PBRM1: variants seen among roughly 807,000 people sequenced by gnomAD.
The protein encoded by PBRM1 is protein polybromo-1.
A neutral mutation model predicts 194.5 loss-of-function variants in PBRM1; 27 were observed. The ratio of observed to expected loss-of-function variants is 0.14; its 90% CI spans 0.10 to 0.19. The LOEUF (loss-of-function observed/expected upper bound fraction) is 0.19, where lower values mean the gene tolerates loss of function less well. PBRM1 is among the 10% of genes least tolerant of loss of function. The pLI is 1.00. For missense variants in PBRM1, 1,466 were observed against 2,077.2 expected (o/e 0.71, Z 5.72); for synonymous variants, 655 against 693.2 (o/e 0.94, Z 0.87).
intron 26 of PBRM1, 59 bp from the exon 29 acceptor site, chr3:52,554,938 A>G (rs2081912954): frequency 1.4e-6 from 2 of 1,443,054 alleles, no homozygotes; most frequent in African/African-American, 2.8e-5. Context: ...GAGCTAAGTA[A>G]TAACAACCAA....
chr3:52,658,804 T>C (rs1051640523), intron 4 of PBRM1, among the ~76,000 whole-genome samples: 2 of 152,218 alleles, frequency 1.3e-5, no homozygotes, highest in Non-Finnish European at 2.9e-5. Flanking sequence ...TATATGAACC[T>C]AATGAGGTGC....
chr3:52,634,827 A>G lies in PBRM1; in HGVS notation c.1088-12T>C, dbSNP rs769981852. 1 of 1,593,308 alleles carries G rather than the reference A, an allele frequency of 6.3e-7. No individual in the cohort carries two copies. Among genetic ancestry groups the G allele is most frequent in the South Asian group, 1.1e-5 (1 of 89,504 alleles). On this transcript the variant is annotated splice_polypyrimidine_tract_variant and intron_variant, in intron 10 of 29. Coordinates refer to ENST00000296302, the Ensembl canonical transcript of PBRM1. ...TTCATAGCGTGCAGCTGGAAAGACAAAAAAAGTATTTATAAAGGGACGAAT... is the reference window on the plus strand; with the variant it reads ...TTCATAGCGTGCAGCTGGAAAGACAGAAAAAGTATTTATAAAGGGACGAAT...
intron 10 of PBRM1, among the ~76,000 whole-genome samples, chr3:52,638,411 T>C (rs934455116): frequency 1.7e-4 from 26 of 151,210 alleles, no homozygotes; most frequent in Non-Finnish European, 5.9e-5. Context: ...AAGGCTGGGG[T>C]GCGATGGCGT....
rs2153424570 is a variant in PBRM1, at chr3:52,609,783, A to T, written c.2097T>A (p.Thr699=). 1 of 1,608,908 alleles carries T rather than the reference A, an allele frequency of 6.2e-7. No homozygotes were observed. Among genetic ancestry groups the T allele is most frequent in the Non-Finnish European group, 8.5e-7 (1 of 1,178,680 alleles). Residue 699 remains threonine, a synonymous_variant, in exon 16 of 30, where the codon ACT becomes ACA. Transcript: ENST00000296302. The surrounding 1 kb of genome is among the most constrained non-coding windows in gnomAD (Gnocchi z 4.1). ...TTTCCATGTCCATGGGCTTTTTAATAGTCAGATAGTAGTCAGGCAACTCAG... is the reference window on the plus strand; with the variant it reads ...TTTCCATGTCCATGGGCTTTTTAATTGTCAGATAGTAGTCAGGCAACTCAG...
exon 20 of PBRM1, chr3:52,586,540 G>A (rs2153770335): frequency 1.2e-6 from 2 of 1,614,070 alleles, no homozygotes; most frequent in East Asian, 2.2e-5. Context: ...CACAGGCAGA[G>A]GCACATCCCG....
chr3:52,622,329 C>G (rs1008989351), intron 13 of PBRM1, among the ~76,000 whole-genome samples: 1 of 148,580 alleles, frequency 6.7e-6, no homozygotes, highest in Admixed American at 7.0e-5. Flanking sequence ...CAGGGAGAGA[C>G]TCCATCTCAA....
Position 52,548,210 on chromosome 3 carries a change from C to T in PBRM1, c.4923G>A (p.Ser1641=), listed in dbSNP as rs138449080. 68 of 1,590,904 alleles carry T rather than the reference C, an allele frequency of 4.3e-5. No individual in the cohort carries two copies. In the African/African-American group the frequency reaches 7.6e-4, roughly 18 times the overall value. Residue 1641 remains serine, a synonymous_variant, in exon 30 of 30, where the codon TCG becomes TCA. Transcript: ENST00000296302. The stretch of plus-strand genomic sequence containing the variant: ...AGGGTAGGCGGCTCTCCTGTTCTTT[C>T]GACAAATGGACGTCGCGTCTTCGAG...
chr3:52,577,828 C>T (rs948513258), intron 21 of PBRM1, among the ~76,000 whole-genome samples: 2 of 152,204 alleles, frequency 1.3e-5, no homozygotes, highest in African/African-American at 4.8e-5. Flanking sequence ...CTATTCTCAA[C>T]AACCAATAGG....
At chr3:52,613,548 T>C (rs2153456512) in intron 15 of PBRM1, among the ~76,000 whole-genome samples, 1 of 152,216 alleles carries the variant, frequency 6.6e-6, no homozygotes, top group South Asian at 2.1e-4. Context: ...CTCCCTATGT[T>C]GCCCAGGCTG....
chr3:52,615,840 T>C (rs905661055), intron 14 of PBRM1, among the ~76,000 whole-genome samples: 1 of 152,222 alleles, frequency 6.6e-6, no homozygotes, highest in African/African-American at 2.4e-5. Flanking sequence ...ACTAAAAATA[T>C]CTGATAGTTG....
At chr3:52,548,389 C>G (rs533903873) in intron 29 of PBRM1, among the ~76,000 whole-genome samples, 154 bp from the exon 32 acceptor site, 3 of 151,546 alleles carry the variant, frequency 2.0e-5, no homozygotes, top group African/African-American at 7.3e-5. Flanking sequence ...AGGCACATTT[C>G]TTATATCATT....
intron 16 of PBRM1, among the ~76,000 whole-genome samples, chr3:52,606,857 T>A (rs2094373182): frequency 6.6e-6 from 1 of 152,260 alleles, no homozygotes; most frequent in Non-Finnish European, 1.5e-5. Flanking sequence ...CCAACTGGCA[T>A]GAGTCAGCAC....
chr3:52,633,174 T>A (rs946350146), intron 11 of PBRM1, among the ~76,000 whole-genome samples: 3 of 152,110 alleles, frequency 2.0e-5, no homozygotes, highest in Admixed American at 1.3e-4. Context: ...GCAACTACTA[T>A]TCTATTTTGT....
At chr3:52,561,721 A>G in intron 25 of PBRM1, 46 bp downstream of exon 27, 6 of 1,542,180 alleles carry the variant, frequency 3.9e-6, no homozygotes, top group Non-Finnish European at 5.4e-6. Flanking sequence ...GCATTCCTGA[A>G]ACACCCCCTT....
intron 21 of PBRM1, among the ~76,000 whole-genome samples, chr3:52,577,098 C>T (rs759532936): frequency 1.3e-5 from 2 of 152,136 alleles, no homozygotes; most frequent in Non-Finnish European, 2.9e-5. Context: ...GCAGACATTC[C>T]TTTAAGACAG....
intron 26 of PBRM1, 148 bp from the exon 29 acceptor site, chr3:52,555,027 C>G: frequency 1.6e-6 from 1 of 620,472 alleles, no homozygotes; most frequent in Non-Finnish European, 2.8e-6. Flanking sequence ...TATTTTGCTG[C>G]AATAATGAAC....
At chr3:52,681,218 G>A (rs951526186), upstream of PBRM1, 1 of 151,830 alleles carries the variant, frequency 6.6e-6, no homozygotes, top group Admixed American at 6.6e-5. Context: ...GGAAAGAAAG[G>A]TTGGGGATCT....
chr3:52,629,901 G>A (rs2153604471), intron 11 of PBRM1, among the ~76,000 whole-genome samples: 1 of 152,308 alleles, frequency 6.6e-6, no homozygotes, highest in East Asian at 1.9e-4. Flanking sequence ...TGCATGTAAA[G>A]TTTTATTTAA....
chr3:52,618,149 C>G (rs190773776), intron 13 of PBRM1, among the ~76,000 whole-genome samples: 8 of 152,264 alleles, frequency 5.3e-5, no homozygotes, highest in Admixed American at 5.2e-4. Flanking sequence ...TTCCACAGTT[C>G]CAACCTACTT....
Sources: gnomAD v4.1 joint callset for allele counts (sites outside exome capture counted in the v4.1 genomes callset) on GRCh38, gnomAD v4.1.1 for gene constraint, Gnocchi (gnomAD v3.1) non-coding constraint, MANE v1.5 for transcripts, NCBI Gene and HGNC (gene_info 2026-07-23, HGNC 2026-07-21) for gene names.